The following PPP1R15B variants were observed in gnomAD, a reference collection of about 807,000 sequenced individuals.
PPP1R15B encodes the protein protein phosphatase 1 regulatory subunit 15B, also known as protein phosphatase 1, regulatory (inhibitor) subunit 15B.
In PPP1R15B, 31 loss-of-function variants were observed where a neutral mutation model predicts 53.9. That is an observed-to-expected ratio of 0.58 (90% CI 0.43 to 0.78). The LOEUF (loss-of-function observed/expected upper bound fraction) is 0.78, where lower values mean the gene tolerates loss of function less well. PPP1R15B is among the 30% of genes least tolerant of loss of function. PPP1R15B has a pLI of 0.00. For synonymous variants in PPP1R15B, 345 were observed against 329.1 expected, an observed-to-expected ratio of 1.05 and a Z score of -0.52; for missense variants, 928 against 849.6, an observed-to-expected ratio of 1.09 and a Z score of -1.15.
chr1:204,401,367 G>A (rs984528824), downstream of PPP1R15B, among the ~76,000 whole-genome samples: 1 of 152,170 alleles, frequency 6.6e-6, no homozygotes, highest in Non-Finnish European at 1.5e-5. Context: ...AAAGATTGGT[G>A]TTTTGTGTTG....
At chr1:204,402,889 T>G (rs1674200699), downstream of PPP1R15B, among the ~76,000 whole-genome samples, 1 of 151,884 alleles carries the variant, frequency 6.6e-6, no homozygotes, top group South Asian at 2.1e-4. Context: ...CTGGCCAACA[T>G]GATGAAACCC....
At chr1:204,408,148 G>A (rs960351303) in intron 1 of PPP1R15B, among the ~76,000 whole-genome samples, 18 of 152,210 alleles carry the variant, frequency 1.2e-4, no homozygotes, top group Non-Finnish European at 1.9e-4. Flanking sequence ...CATCAAGTAA[G>A]AGTGAATTGA....
downstream of PPP1R15B, among the ~76,000 whole-genome samples, chr1:204,401,300 C>T (rs1013954522): frequency 1.8e-4 from 28 of 152,180 alleles, no homozygotes; most frequent in African/African-American, 6.8e-4. Context: ...TATTATAGAT[C>T]TCAATAGCAT....
At chr1:204,406,658 A>G (rs1674269426) in intron 1 of PPP1R15B, among the ~76,000 whole-genome samples, 1 of 152,044 alleles carries the variant, frequency 6.6e-6, no homozygotes, top group African/African-American at 2.4e-5. Context: ...AGGCTGAGGT[A>G]GGAGAACAGT....
rs773643833 is a variant in PPP1R15B, at chr1:204,411,022, G to A, written c.390C>T (p.Asp130=). 6.8e-6 allele frequency: 11 copies of A among 1,614,208 alleles called. No individual in the cohort carries two copies. The East Asian group carries it at 2.2e-4, about 33-fold the overall frequency. ...AQKSLSSLQL[D]SSDPSVTSPL... is the part of the protein sequence containing the mutation. ...GACTGGTGACCGAGGGGTCTGAGGA[G>A]TCGAGCTGCAGCGAACTCAAAGATT... is the stretch of plus-strand genomic sequence containing the variant. The change falls in exon 1 of 2, where the codon GAC becomes GAT. Residue 130 remains aspartate, a synonymous_variant. Coordinates refer to ENST00000367188, the MANE Select transcript of PPP1R15B (RefSeq NM_032833.5).
In PPP1R15B at chr1:204,410,839, T is replaced by C. The variant is rs1425393807; in HGVS notation, c.573A>G (p.Gln191=). The C allele has an allele frequency of 6.2e-7, 1 of 1,614,206 alleles. No individual in the cohort carries two copies. The highest frequency in any genetic ancestry group is 1.7e-5 in the Admixed American group (1 of 60,024). Residue 191 remains glutamine, a synonymous_variant, in exon 1 of 2, where the codon CAA becomes CAG. Coordinates refer to ENST00000367188, the MANE Select transcript of PPP1R15B (RefSeq NM_032833.5). ...WGVELLPSSL[Q]SRLYSNRELG... ...GTTCCCGGTTAGAGTACAGACGGGA[T>C]TGAAGGCTACTGGGCAACAGCTCCA...
rs748137239 is a variant in PPP1R15B, at chr1:204,409,741, G to A, written c.1671C>T (p.Asn557=). 1.2e-6 allele frequency: 2 copies of A among 1,614,020 alleles called. No homozygotes were observed. The highest frequency in any genetic ancestry group is 2.7e-5 in the African/African-American group (2 of 74,918). ...AGGGGTCATCAGAATTACAGAATGA[G>A]TTCCACAGTTTGAGACTCTCTGCTT... ...ADEAESLKLW[N]SFCNSDDPYN... is the part of the protein sequence containing the mutation. The change falls in exon 1 of 2, where the codon AAC becomes AAT. Residue 557 remains asparagine (N), a synonymous_variant. Coordinates refer to ENST00000367188, the MANE Select transcript of PPP1R15B (RefSeq NM_032833.5).
At position 204,409,695 on chromosome 1, in the gene PPP1R15B, C is replaced by T. The variant is rs749898755; in HGVS notation, c.1717G>A (p.Ala573Thr). 3 of 1,613,994 alleles carry T rather than the reference C, an allele frequency of 1.9e-6. No homozygotes were observed. The highest frequency in any genetic ancestry group is 2.5e-6 in the Non-Finnish European group (3 of 1,180,002). Residue 573 changes from alanine to threonine, a missense_variant, in exon 1 of 2, where the codon GCT (alanine) becomes ACT (threonine). Coordinates refer to ENST00000367188, the MANE Select transcript of PPP1R15B (RefSeq NM_032833.5). ...TTTTCCCCTGATGTTTGAAAAGGAG[C>T]CTTAAAATTTAAAGGGTTGTAGGGG... ...DDPYNPLNFK[A>T]PFQTSGENEK... is the part of the protein sequence containing the mutation.
Position 204,411,547 on chromosome 1 carries a change from G to T in PPP1R15B, c.-136C>A. The T allele has an allele frequency of 8.1e-7, 1 of 1,241,064 alleles. No individual in the cohort carries two copies. The highest frequency in any genetic ancestry group is 1.1e-6 in the Non-Finnish European group (1 of 899,718). 76.9% of individuals were successfully genotyped at this position (1,241,064 alleles called of 1,614,324 possible). On this transcript the variant is annotated 5_prime_UTR_variant, in exon 1 of 2. The change creates a new upstream start codon in the 5' untranslated region. Coordinates refer to ENST00000367188, the MANE Select transcript of PPP1R15B (RefSeq NM_032833.5). ...CTGCTCCAGGCCGATCTTCGAGCCA[G>T]CAGAAAAGCCACAGAGGGCAGCGAA...
At position 204,409,756 on chromosome 1, in the gene PPP1R15B, ACT is replaced by A; in HGVS notation, c.1654_1655del (p.Leu553GlnfsTer8). The A allele has an allele frequency of 6.2e-7, 1 of 1,613,846 alleles. No individual in the cohort carries two copies. The highest frequency in any genetic ancestry group is 1.7e-5 in the Admixed American group (1 of 59,992). The stretch of plus-strand genomic sequence containing the variant: ...TACAGAATGAGTTCCACAGTTTGAG[ACT>A]CTCTGCTTCATCTGCACTAGATTCC... ...DWESSADEAE[S>X]LKLWNSFCNS... On this transcript the variant is annotated frameshift_variant, in exon 1 of 2. Coordinates refer to ENST00000367188, the MANE Select transcript of PPP1R15B (RefSeq NM_032833.5). LOFTEE classifies it high-confidence loss of function.
chr1:204,401,492 C>T (rs903240838), downstream of PPP1R15B, among the ~76,000 whole-genome samples: 7 of 152,136 alleles, frequency 4.6e-5, no homozygotes, highest in Non-Finnish European at 1.0e-4. Context: ...AGTCTCTCAG[C>T]TCAGAAAGGT....
Position 204,409,571 on chromosome 1 carries a change from C to T in PPP1R15B, c.1841G>A (p.Ser614Asn). The T allele has an allele frequency of 1.2e-6, 2 of 1,614,198 alleles. No individual in the cohort carries two copies. The highest frequency in any genetic ancestry group is 1.7e-6 in the Non-Finnish European group (2 of 1,180,040). Reference sequence around the variant, plus strand: ...CGAGTCTGGACATTCACTTTCTTGGCTCCCCAACAGCTGCACCTTACAAGA... The same window carrying T: ...CGAGTCTGGACATTCACTTTCTTGGTTCCCCAACAGCTGCACCTTACAAGA... ...LLSCKVQLLGSQESECPDSVQ... is the reference protein window; with the variant it reads ...LLSCKVQLLGNQESECPDSVQ... Residue 614 changes from serine to asparagine, a missense_variant, in exon 1 of 2, where the codon AGC becomes AAC. By Grantham distance (46) the Ser-to-Asn change is conservative (BLOSUM62 1). Coordinates refer to ENST00000367188, the MANE Select transcript of PPP1R15B (RefSeq NM_032833.5).
In PPP1R15B at chr1:204,403,868, A is replaced by C. The variant is rs1158656282; in HGVS notation, c.*2224T>G. 1.0e-5 allele frequency: 10 copies of C among 985,670 alleles called. No individual in the cohort carries two copies. The highest frequency in any genetic ancestry group is 9.6e-6 in the Non-Finnish European group (8 of 829,912). The allele number at this position is 985,670 out of a possible 1,614,324, so 61.1% of individuals were successfully genotyped here. A position where few individuals can be genotyped will look rare whatever the true frequency, so the allele number is the denominator to read the frequency against. On this transcript the variant is annotated 3_prime_UTR_variant, in exon 2 of 2. Transcript: ENST00000367188. The stretch of plus-strand genomic sequence containing the variant: ...TTATCACCTTCTGATCACTTCTTCC[A>C]AGGAGGCTAGTATATGGAAGAACTC...
downstream of PPP1R15B, among the ~76,000 whole-genome samples, chr1:204,399,671 C>T (rs1674144352): frequency 1.3e-5 from 2 of 151,942 alleles, no homozygotes; most frequent in Admixed American, 6.6e-5. Flanking sequence ...ATGGAGTTTA[C>T]AGACTAGTGA....
chr1:204,411,205 C>G lies in PPP1R15B; in HGVS notation c.207G>C (p.Gln69His). 1 of 1,614,244 alleles carries G rather than the reference C, an allele frequency of 6.2e-7. No homozygotes were observed. The highest frequency in any genetic ancestry group is 8.5e-7 in the Non-Finnish European group (1 of 1,180,044). ...GCAATCCGGGGAGCGGCGCAAGGAG[C>G]TGGGAGAGCAGTTTCGTCCAGTAAC... ...RVSYWTKLLS[Q>H]LLAPLPGLLQ... The change falls in exon 1 of 2, where the codon CAG becomes CAC. Residue 69 changes from glutamine (Q) to histidine (H), a missense_variant. Physicochemically the swap from Gln to His is conservative, Grantham distance 24. Coordinates refer to ENST00000367188, the MANE Select transcript of PPP1R15B (RefSeq NM_032833.5).
Position 204,411,573 on chromosome 1 carries a change from TGCGGCAGCGG to T in PPP1R15B, c.-172_-163del. ...CAGAAAAGCCACAGAGGGCAGCGAATGCGGCAGCGGGCGGCAGAACACAGGGAAGAACAGC... is the reference window on the plus strand; with the variant it reads ...CAGAAAAGCCACAGAGGGCAGCGAATGCGGCAGAACACAGGGAAGAACAGC... On this transcript the variant is annotated 5_prime_UTR_variant, in exon 1 of 2. It removes the in-frame stop codon of an upstream open reading frame in the 5' UTR. Coordinates refer to ENST00000367188, the MANE Select transcript of PPP1R15B (RefSeq NM_032833.5). The T allele has an allele frequency of 1.0e-6, 1 of 956,272 alleles. No homozygotes were observed. The highest frequency in any genetic ancestry group is 1.5e-6 in the Non-Finnish European group (1 of 648,302). The allele number at this position is 956,272 out of a possible 1,614,324, so 59.2% of individuals were successfully genotyped here.
Position 204,410,940 on chromosome 1 carries a change from A to C in PPP1R15B, c.472T>G (p.Leu158Val). 2 of 1,614,032 alleles carry C rather than the reference A, an allele frequency of 1.2e-6. No individual in the cohort carries two copies. The highest frequency in any genetic ancestry group is 1.7e-6 in the Non-Finnish European group (2 of 1,180,000). ...GCACTTCCCTTGGCCTTAAGCTCCA[A>C]TTTTAGGTCTGGGGGCGAGTATTGC... ...HWQYSPPDLK[L>V]ELKAKGSALD... The change falls in exon 1 of 2, where the codon TTG becomes GTG. Residue 158 changes from leucine to valine, a missense_variant. Physicochemically the swap from Leu to Val is conservative, Grantham distance 32. Transcript: ENST00000367188.
chr1:204,396,206 A>C (rs978951989), downstream of PPP1R15B, among the ~76,000 whole-genome samples: 51 of 152,194 alleles, frequency 3.4e-4, no homozygotes, highest in Middle Eastern at 3.4e-3. Flanking sequence ...AAGAGCTAAA[A>C]GTGTTGAAAG....
At chr1:204,403,354 TA>T, downstream of PPP1R15B, 1 of 594,126 alleles carries the variant, frequency 1.7e-6, no homozygotes, top group Middle Eastern at 8.5e-4. Flanking sequence ...ATGATACATA[TA>T]ATATAAAGTT....
Sources: gnomAD v4.1 joint callset for allele counts (sites outside exome capture counted in the v4.1 genomes callset) on GRCh38, gnomAD v4.1.1 for gene constraint, MANE v1.5 for transcripts, NCBI Gene and HGNC (gene_info 2026-07-23, HGNC 2026-07-21) for gene names.